OSCP1: variants seen among roughly 807,000 people sequenced by gnomAD.
The protein encoded by OSCP1 is organic solute carrier partner 1, also known as protein OSCP1.
In OSCP1, 35 loss-of-function variants were observed where a neutral mutation model predicts 45.1. That is an observed-to-expected ratio of 0.78 (90% CI 0.59 to 1.03). The LOEUF is 1.03. OSCP1 is among the 50% of genes least tolerant of loss of function. The pLI, the probability that OSCP1 is intolerant of heterozygous loss-of-function variation, is 0.00. For missense variants in OSCP1, 400 were observed against 470.7 expected (o/e 0.85, Z 1.39); for synonymous variants, 179 against 180.1 (o/e 0.99, Z 0.05).
At chr1:36,427,431 T>G (rs1271991991) in intron 4 of OSCP1, among the ~76,000 whole-genome samples, 1 of 150,956 alleles carries the variant, frequency 6.6e-6, no homozygotes, top group Non-Finnish European at 1.5e-5. Flanking sequence ...CCAAAGTGCT[T>G]GGATTACAGG....
Position 36,429,535 on chromosome 1 carries a change from A to ATTTTTTTTTTTTTTT in OSCP1, c.516+2252_516+2266dup, listed in dbSNP as rs200043573. On this transcript the variant is annotated intron_variant, in intron 4 of 9. Coordinates refer to ENST00000235532, the MANE Select transcript of OSCP1 (RefSeq NM_145047.5). ...CACATTCAAAATTCAGAAGCTTAGA[A>ATTTTTTTTTTTTTTT]TTTTTTTTTTTTTTTTTTTTTTTTT... 3.2e-4 allele frequency among the ~76,000 whole-genome samples: 32 copies of ATTTTTTTTTTTTTTT among 100,310 alleles called. 2 individuals carry two copies. The highest frequency in any genetic ancestry group is 6.7e-4 in the African/African-American group (16 of 23,900). 65.8% of individuals were successfully genotyped at this position (100,310 alleles called of 152,430 possible).
intron 2 of OSCP1, among the ~76,000 whole-genome samples, chr1:36,434,206 G>T (rs1319452258): frequency 6.6e-6 from 1 of 152,134 alleles, no homozygotes; most frequent in Non-Finnish European, 1.5e-5. Context: ...ACTACCATCT[G>T]AGTGTCATGC....
intron 1 of OSCP1, among the ~76,000 whole-genome samples, chr1:36,439,206 G>A (rs1648963264): frequency 6.6e-6 from 1 of 152,186 alleles, no homozygotes; most frequent in Admixed American, 6.5e-5. Flanking sequence ...GATGATAAGA[G>A]GAATATTTCT....
chr1:36,430,336 T>C (rs1648278137), intron 4 of OSCP1, among the ~76,000 whole-genome samples: 1 of 151,976 alleles, frequency 6.6e-6, no homozygotes, highest in Admixed American at 6.5e-5. Flanking sequence ...CCACTGTGCC[T>C]GGCTAGAAAA....
chr1:36,429,471 T>G (rs986432026), intron 4 of OSCP1, among the ~76,000 whole-genome samples: 3 of 151,058 alleles, frequency 2.0e-5, no homozygotes, highest in African/African-American at 7.3e-5. Flanking sequence ...CATCAGTTGG[T>G]TAAATTGTGG....
intron 7 of OSCP1, among the ~76,000 whole-genome samples, chr1:36,421,312 G>A (rs1443079866): frequency 6.6e-6 from 1 of 152,048 alleles, no homozygotes; most frequent in Non-Finnish European, 1.5e-5. Context: ...AGCCTCGTGG[G>A]AGACACCGCC....
intron 8 of OSCP1, among the ~76,000 whole-genome samples, chr1:36,419,477 C>T (rs1337730784): frequency 6.6e-6 from 1 of 152,138 alleles, no homozygotes; most frequent in African/African-American, 2.4e-5. Flanking sequence ...CTTTGCATTC[C>T]CAGGACTTTA....
intron 1 of OSCP1, among the ~76,000 whole-genome samples, chr1:36,441,791 T>C (rs902529519): frequency 2.0e-5 from 3 of 152,026 alleles, no homozygotes; most frequent in Non-Finnish European, 4.4e-5. Context: ...TTTTTTATTT[T>C]TTTCCCTTCA....
rs773624980 is a variant in OSCP1 at position 36,422,149 on chromosome 1, C to G, written c.819+1G>C. 1 of 1,613,688 alleles carries G rather than the reference C, an allele frequency of 6.2e-7. No homozygotes were observed. The highest frequency in any genetic ancestry group is 8.5e-7 in the Non-Finnish European group (1 of 1,179,580). ...GGTAGGCAAGGAAGGCAGAAGCTCA[C>G]CTGGGTCCATGAGGCTAAGTTCTTT... On this transcript the variant is annotated splice_donor_variant, in intron 7 of 9. Transcript: ENST00000235532. LOFTEE classifies it high-confidence loss of function.
chr1:36,420,661 A>G (rs2124773754), intron 7 of OSCP1, 46 bp from the exon 8 acceptor site: 1 of 1,603,976 alleles, frequency 6.2e-7, no homozygotes, highest in East Asian at 2.2e-5. Flanking sequence ...AGGCAATCAC[A>G]TTTCCTGCTA....
rs760419811 is a variant in OSCP1, at chr1:36,418,263, G to C, written c.1024-8C>G. ...CTCGCTCCGTTGCTGGTCCTATGAGGGAAATGAGAGGTAAAAGGGCATGAA... is the reference window on the plus strand; with the variant it reads ...CTCGCTCCGTTGCTGGTCCTATGAGCGAAATGAGAGGTAAAAGGGCATGAA... On this transcript the variant is annotated splice_polypyrimidine_tract_variant and splice_region_variant and intron_variant, in intron 9 of 9. Coordinates refer to ENST00000235532, the MANE Select transcript of OSCP1 (RefSeq NM_145047.5). 13 of 1,613,758 alleles carry C rather than the reference G, an allele frequency of 8.1e-6. No individual in the cohort carries two copies. The South Asian group carries it at 1.4e-4, about 18-fold the overall frequency.
At chr1:36,432,155 C>A (rs1648407058) in intron 3 of OSCP1, among the ~76,000 whole-genome samples, 1 of 152,182 alleles carries the variant, frequency 6.6e-6, no homozygotes, top group East Asian at 1.9e-4. Flanking sequence ...ACATCCACCA[C>A]CAAGTCCCTT....
At chr1:36,418,646 G>A (rs1647419384) in intron 9 of OSCP1, 2 of 337,158 alleles carry the variant, frequency 5.9e-6, no homozygotes, top group African/African-American at 2.1e-5. Flanking sequence ...GCTGGGTACG[G>A]TGGCTCACCT....
chr1:36,445,875 G>A (rs1005101399), intron 1 of OSCP1, among the ~76,000 whole-genome samples: 1 of 149,944 alleles, frequency 6.7e-6, no homozygotes, highest in Non-Finnish European at 1.5e-5. Flanking sequence ...CCATCATGCC[G>A]GCTAATTTTT....
intron 1 of OSCP1, among the ~76,000 whole-genome samples, chr1:36,439,723 C>T (rs1452657794): frequency 6.6e-6 from 1 of 152,108 alleles, no homozygotes; most frequent in Non-Finnish European, 1.5e-5. Flanking sequence ...TTTTTGAATG[C>T]CTTAATTTCC....
At chr1:36,427,870 A>T (rs1357405968) in intron 4 of OSCP1, among the ~76,000 whole-genome samples, 1 of 152,190 alleles carries the variant, frequency 6.6e-6, no homozygotes, top group East Asian at 1.9e-4. Context: ...TGCTTCATCC[A>T]TAGCAAATAC....
chr1:36,449,277 ACAGAGTGG>A (rs1649730027), intron 1 of OSCP1, among the ~76,000 whole-genome samples: 1 of 152,202 alleles, frequency 6.6e-6, no homozygotes, highest in Non-Finnish European at 1.5e-5. Context: ...AGGAAAAGGA[ACAGAGTGG>A]CAGAGTGTTC....
rs71053929 is a variant in OSCP1 at position 36,427,299 on chromosome 1, C to CTTTTTTTTTT, written c.517-3843_517-3834dup. On this transcript the variant is annotated intron_variant, in intron 4 of 9. Transcript: ENST00000235532. Reference sequence around the variant, plus strand: ...ACAGGCGTGAGCCATGGCGCCTGGCCTTTTTTTTTTTTTTTGACACAGAGT... The same window carrying CTTTTTTTTTT: ...ACAGGCGTGAGCCATGGCGCCTGGCCTTTTTTTTTTTTTTTTTTTTTTTTTGACACAGAGT... 2.5e-3 allele frequency among the ~76,000 whole-genome samples: 240 copies of CTTTTTTTTTT among 96,286 alleles called. 23 individuals carry two copies. Among genetic ancestry groups the CTTTTTTTTTT allele is most frequent in the Middle Eastern group, 9.6e-3 (1 of 104 alleles). The allele number at this position is 96,286 out of a possible 152,430, so 63.2% of individuals were successfully genotyped here. A position where few individuals can be genotyped will look rare whatever the true frequency, so the allele number is the denominator to read the frequency against.
At chr1:36,449,835 C>CAAAA (rs67376533) in intron 1 of OSCP1, among the ~76,000 whole-genome samples, 357 of 20,348 alleles carry the variant, frequency 0.018, 97 homozygotes, top group African/African-American at 0.052. Flanking sequence ...GACCCTGTCT[C>CAAAA]AAAAAAAAAA....
Sources: allele counts gnomAD v4.1 joint callset (sites outside exome capture counted in the v4.1 genomes callset), GRCh38; gene constraint gnomAD v4.1.1; transcripts MANE v1.5; gene names NCBI Gene and HGNC (gene_info 2026-07-23, HGNC 2026-07-21).